The following NEXN variants were observed in gnomAD, a reference collection of about 807,000 sequenced individuals.
NEXN encodes the protein nexilin.
Under a neutral mutation model 92.6 loss-of-function variants are expected in NEXN, and 65 were observed. The ratio of observed to expected loss-of-function variants is 0.70; its 90% confidence interval spans 0.57 to 0.86. NEXN has a LOEUF of 0.86. NEXN is among the 40% of genes least tolerant of loss of function. The probability of loss-of-function intolerance (pLI) is 0.00; values close to 1 mark genes in which losing one functional copy is unlikely to be tolerated. For synonymous variants in NEXN, 254 were observed against 242.5 expected, an observed-to-expected ratio of 1.05 and a Z score of -0.44; for missense variants, 778 against 771.1, an observed-to-expected ratio of 1.01 and a Z score of -0.11.
intron 5 of NEXN, among the ~76,000 whole-genome samples, chr1:77,918,501 C>CA (rs975129009): frequency 6.6e-6 from 1 of 151,588 alleles, no homozygotes; most frequent in Non-Finnish European, 1.5e-5. Flanking sequence ...CCTGTCTCTA[C>CA]AAAAAAATAC....
intron 5 of NEXN, among the ~76,000 whole-genome samples, chr1:77,919,436 A>G (rs1401120378): frequency 2.0e-5 from 3 of 152,204 alleles, no homozygotes; most frequent in African/African-American, 4.8e-5. Flanking sequence ...CATATGCTAT[A>G]CTTGCATACT....
chr1:77,914,654 C>T (rs528494298), intron 1 of NEXN, among the ~76,000 whole-genome samples: 127 of 151,720 alleles, frequency 8.4e-4, no homozygotes, highest in African/African-American at 2.9e-3. Flanking sequence ...GTCAGGAGTT[C>T]GAGACCAGCC....
chr1:77,942,185 G>T lies in NEXN; in HGVS notation c.1636G>T (p.Glu546Ter). 6.2e-7 allele frequency: 1 copy of T among 1,613,732 alleles called. No individual in the cohort carries two copies. Among genetic ancestry groups the T allele is most frequent in the Non-Finnish European group, 8.5e-7 (1 of 1,179,722 alleles). Residue 546 changes from glutamate to a stop codon, truncating the protein, a stop_gained, in exon 12 of 13, where the codon GAA becomes TAA. Transcript: ENST00000334785. LOFTEE classifies it high-confidence loss of function. ...KLLRMQFEQR[E>*]IDAALQKKRE... ...ACTACGCATGCAGTTTGAACAAAGGGAAATTGATGCAGCACTACAAAAGGT... is the reference window on the plus strand; with the variant it reads ...ACTACGCATGCAGTTTGAACAAAGGTAAATTGATGCAGCACTACAAAAGGT...
chr1:77,923,599 T>C (rs1460647182), intron 5 of NEXN, among the ~76,000 whole-genome samples: 1 of 152,122 alleles, frequency 6.6e-6, no homozygotes, highest in African/African-American at 2.4e-5. Context: ...CTCAATTATG[T>C]TTGCTAAGAA....
chr1:77,942,663 T>C lies in NEXN; in HGVS notation c.1862T>C (p.Ile621Thr). Residue 621 changes from isoleucine (I) to threonine (T), a missense_variant, in exon 13 of 13, where the codon ATA becomes ACA. Around this residue, in one of 3 missense-constraint regions of NEXN, gnomAD observed 532 missense variants for 476.7 expected, o/e 1.12. Coordinates refer to ENST00000334785, the MANE Select transcript of NEXN (RefSeq NM_144573.4). ...ATTACATGGTGGTTTGAAGGAGAAA[T>C]ACTGCAGGATGGAGAAGACTATCAA... ...PEITWWFEGE[I>T]LQDGEDYQYI... 6.2e-7 allele frequency: 1 copy of C among 1,613,604 alleles called. No individual in the cohort carries two copies. Among genetic ancestry groups the C allele is most frequent in the Non-Finnish European group, 8.5e-7 (1 of 1,179,692 alleles).
chr1:77,936,102 GAAGT>G (rs1650742293), intron 11 of NEXN, 58 bp downstream of exon 11: 3 of 1,295,478 alleles, frequency 2.3e-6, no homozygotes, highest in African/African-American at 3.0e-5. Flanking sequence ...AAATTTAACA[GAAGT>G]AACATTGGCT....
At chr1:77,897,096 A>T (rs1052520827) in intron 1 of NEXN, among the ~76,000 whole-genome samples, 14 of 152,240 alleles carry the variant, frequency 9.2e-5, no homozygotes, top group African/African-American at 2.9e-4. Context: ...AAGAGCTGGT[A>T]CCATTCCTTC....
intron 1 of NEXN, among the ~76,000 whole-genome samples, chr1:77,896,731 C>T (rs1647276086): frequency 6.6e-6 from 1 of 151,536 alleles, no homozygotes; most frequent in Non-Finnish European, 1.5e-5. Context: ...TGCACTCCAG[C>T]CTGGGTGACA....
chr1:77,908,647 G>A (rs981583687), intron 1 of NEXN, among the ~76,000 whole-genome samples: 1 of 151,780 alleles, frequency 6.6e-6, no homozygotes, highest in African/African-American at 2.4e-5. Flanking sequence ...TGATCTGCCC[G>A]CCTCAACCTC....
intron 1 of NEXN, among the ~76,000 whole-genome samples, chr1:77,899,406 G>A (rs1248995113): frequency 1.3e-5 from 2 of 151,942 alleles, no homozygotes; most frequent in African/African-American, 4.8e-5. Context: ...ACTATCGCAA[G>A]GACAAAAAAC....
intron 9 of NEXN, chr1:77,931,576 C>G (rs2102141173): frequency 6.6e-6 from 1 of 152,194 alleles, no homozygotes; most frequent in South Asian, 2.1e-4. Flanking sequence ...TAAAACAAAA[C>G]CAAGTTTCCT....
chr1:77,915,184 AT>A (rs1208036078), intron 1 of NEXN, among the ~76,000 whole-genome samples: 1 of 151,982 alleles, frequency 6.6e-6, no homozygotes, highest in Non-Finnish European at 1.5e-5. Context: ...ATAGTGCTGC[AT>A]GCCTGTAGTC....
intron 1 of NEXN, among the ~76,000 whole-genome samples, chr1:77,906,100 A>G (rs1648091906): frequency 1.3e-5 from 2 of 152,244 alleles, no homozygotes; most frequent in East Asian, 1.9e-4. Context: ...CTCAAAGGAC[A>G]TAGAGAAGGA....
intron 1 of NEXN, among the ~76,000 whole-genome samples, chr1:77,914,069 G>A (rs1280402809): frequency 6.6e-6 from 1 of 152,188 alleles, no homozygotes; most frequent in African/African-American, 2.4e-5. Context: ...ATGGTTACCA[G>A]GAATTATGGG....
intron 1 of NEXN, among the ~76,000 whole-genome samples, chr1:77,915,465 T>G (rs1443793471): frequency 6.6e-6 from 1 of 151,790 alleles, no homozygotes; most frequent in Non-Finnish European, 1.5e-5. Flanking sequence ...CCGTCTCTAC[T>G]AAAAATACAA....
chr1:77,930,471 C>A (rs1316217311), intron 9 of NEXN, among the ~76,000 whole-genome samples: 1 of 152,212 alleles, frequency 6.6e-6, no homozygotes, highest in Non-Finnish European at 1.5e-5. Context: ...GTAACCTATT[C>A]TTTCCTGTAA....
At chr1:77,923,556 T>C (rs1295431067) in intron 5 of NEXN, among the ~76,000 whole-genome samples, 2 of 152,170 alleles carry the variant, frequency 1.3e-5, no homozygotes, top group East Asian at 3.8e-4. Context: ...CCTGAGATCT[T>C]AAACACTGCA....
chr1:77,913,835 C>G (rs1289671549), intron 1 of NEXN, among the ~76,000 whole-genome samples: 2 of 152,076 alleles, frequency 1.3e-5, no homozygotes, highest in African/African-American at 4.8e-5. Context: ...TGGAAACAAC[C>G]AAGATGTCAT....
At chr1:77,913,773 A>G (rs904939522) in intron 1 of NEXN, among the ~76,000 whole-genome samples, 4 of 152,208 alleles carry the variant, frequency 2.6e-5, no homozygotes, top group African/African-American at 9.6e-5. Flanking sequence ...CATGGTCCAC[A>G]AGAACCTGCA....
Sources: gnomAD v4.1 joint callset for allele counts (sites outside exome capture counted in the v4.1 genomes callset) on GRCh38, gnomAD v4.1.1 for gene constraint, gnomAD v4.1.1 regional missense constraint, MANE v1.5 for transcripts, NCBI Gene and HGNC (gene_info 2026-07-23, HGNC 2026-07-21) for gene names.